The following CLYBL variants were observed in gnomAD, a reference collection of about 807,000 sequenced individuals.
The protein encoded by CLYBL is citramalyl-CoA lyase.
A neutral mutation model predicts 38.9 loss-of-function variants in CLYBL; 31 were observed. That is an observed-to-expected ratio of 0.80 (90% confidence interval 0.60 to 1.08). The LOEUF (loss-of-function observed/expected upper bound fraction) is 1.08. Among genes scored for constraint, CLYBL ranks in the 50% least tolerant of loss-of-function variants. The pLI, the probability that CLYBL is intolerant of heterozygous loss-of-function variation, is 0.00. For synonymous variants in CLYBL, 171 were observed against 158.6 expected (o/e 1.08, Z -0.59); for missense variants, 434 against 411.6 (o/e 1.05, Z -0.47).
chr13:99,638,027 A>T (rs980801811), intron 1 of CLYBL, among the ~76,000 whole-genome samples: 2 of 141,388 alleles, frequency 1.4e-5, no homozygotes, highest in Non-Finnish European at 3.0e-5. Context: ...GCAATGGCAC[A>T]ATCGCGGTTC....
intron 1 of CLYBL, among the ~76,000 whole-genome samples, chr13:99,716,448 A>G (rs2048316842): frequency 6.7e-6 from 1 of 148,240 alleles, no homozygotes; most frequent in Non-Finnish European, 1.5e-5. Context: ...CAATGGCGCA[A>G]TCTCGGCTCA....
chr13:99,850,960 T>C (rs947658093), intron 2 of CLYBL, among the ~76,000 whole-genome samples: 2 of 152,194 alleles, frequency 1.3e-5, no homozygotes, highest in African/African-American at 4.8e-5. Flanking sequence ...AGGAAATATA[T>C]AGAATAGACA....
chr13:99,756,114 TTC>T (rs1032509781), intron 1 of CLYBL, among the ~76,000 whole-genome samples: 1 of 152,178 alleles, frequency 6.6e-6, no homozygotes, highest in African/African-American at 2.4e-5. Flanking sequence ...GTTCACCCCA[TTC>T]TCACCCCTGC....
At chr13:99,909,215 G>T (rs1019943119) in exon 10 of CLYBL, among the ~76,000 whole-genome samples, 1 of 152,172 alleles carries the variant, frequency 6.6e-6, no homozygotes, top group Non-Finnish European at 1.5e-5. Context: ...ATTTAATCAC[G>T]AAGACTCTGT....
intron 6 of CLYBL, among the ~76,000 whole-genome samples, chr13:99,870,687 C>G (rs1020707031): frequency 2.0e-5 from 3 of 152,148 alleles, no homozygotes; most frequent in Non-Finnish European, 4.4e-5. Flanking sequence ...ATTATCTGCC[C>G]TAAGGTGGCA....
intron 1 of CLYBL, among the ~76,000 whole-genome samples, chr13:99,762,953 TG>T (rs1170125995): frequency 2.0e-5 from 3 of 152,226 alleles, no homozygotes; most frequent in Non-Finnish European, 4.4e-5. Context: ...ATTGCTTTCT[TG>T]ATATCTTTTT....
chr13:99,611,826 G>A (rs560932025), intron 1 of CLYBL, among the ~76,000 whole-genome samples: 1 of 152,250 alleles, frequency 6.6e-6, no homozygotes, highest in South Asian at 2.1e-4. Context: ...GTAAGCTTTG[G>A]TAGTTTGTAT....
intron 7 of CLYBL, among the ~76,000 whole-genome samples, chr13:99,874,577 T>C (rs1196755240): frequency 6.6e-6 from 1 of 152,164 alleles, no homozygotes; most frequent in Non-Finnish European, 1.5e-5. Context: ...ACTGTAAAAA[T>C]TGGATACTTG....
intron 1 of CLYBL, among the ~76,000 whole-genome samples, chr13:99,631,370 T>C (rs893058439): frequency 7.9e-5 from 12 of 151,706 alleles, no homozygotes; most frequent in Non-Finnish European, 1.6e-4. Context: ...TGTGTATGTA[T>C]ACACATATAT....
rs765705284 is a variant in CLYBL, at chr13:99,772,915, C to A, written c.154C>A (p.Pro52Thr). ...CCCCCGGAGGGCAGTGCTTTATGTA[C>A]CTGGAAATGATGAAAAGAAAATAAA... ...YIPRRAVLYVPGNDEKKIKKI... is the reference protein window; with the variant it reads ...YIPRRAVLYVTGNDEKKIKKI... The change falls in exon 2 of 9, where the codon CCT becomes ACT. Residue 52 changes from proline to threonine, a missense_variant. Physicochemically the swap from Pro to Thr is conservative, Grantham distance 38. Coordinates refer to ENST00000339105, the MANE Select transcript of CLYBL (RefSeq NM_206808.5). 6.2e-7 allele frequency: 1 copy of A among 1,613,632 alleles called. No individual in the cohort carries two copies. Among genetic ancestry groups the A allele is most frequent in the East Asian group, 2.2e-5 (1 of 44,852 alleles).
chr13:99,654,740 TC>T (rs2047304341), intron 1 of CLYBL, among the ~76,000 whole-genome samples: 1 of 152,186 alleles, frequency 6.6e-6, no homozygotes, highest in Non-Finnish European at 1.5e-5. Flanking sequence ...ATGCCGTGGC[TC>T]ACGCCTGTAA....
At chr13:99,777,619 A>C (rs1681203752) in intron 2 of CLYBL, among the ~76,000 whole-genome samples, 1 of 151,476 alleles carries the variant, frequency 6.6e-6, no homozygotes, top group Admixed American at 6.6e-5. Context: ...CAGCCTCCCG[A>C]GTAGCTGGGA....
chr13:99,706,646 T>C (rs553464991), intron 1 of CLYBL, among the ~76,000 whole-genome samples: 113 of 152,228 alleles, frequency 7.4e-4, no homozygotes, highest in African/African-American at 2.7e-3. Flanking sequence ...AAGTCCAAAT[T>C]GCTCATGATG....
At chr13:99,656,637 T>C (rs895798615) in intron 1 of CLYBL, among the ~76,000 whole-genome samples, 2 of 152,208 alleles carry the variant, frequency 1.3e-5, no homozygotes, top group African/African-American at 4.8e-5. Flanking sequence ...CCTGTTTCTC[T>C]CTCAGTCACT....
downstream of CLYBL, among the ~76,000 whole-genome samples, chr13:99,901,359 T>A (rs2052639897): frequency 6.6e-6 from 1 of 152,194 alleles, no homozygotes; most frequent in Non-Finnish European, 1.5e-5. Flanking sequence ...GGGCAAACTA[T>A]GTTTTTCTAA....
chr13:99,706,217 A>G (rs917281155), intron 1 of CLYBL, among the ~76,000 whole-genome samples: 1 of 152,046 alleles, frequency 6.6e-6, no homozygotes, highest in African/African-American at 2.4e-5. Flanking sequence ...GGCGTGAGCT[A>G]CCGTGCCTGA....
chr13:99,863,160 C>G, intron 4 of CLYBL, 68 bp downstream of exon 4: 1 of 736,492 alleles, frequency 1.4e-6, no homozygotes, highest in Admixed American at 2.7e-5. Flanking sequence ...CTTTTGCTTT[C>G]AATTTTAACA....
At chr13:99,864,765 C>G (rs1300947940) in intron 4 of CLYBL, 53 bp from the exon 5 acceptor site, 5 of 1,239,890 alleles carry the variant, frequency 4.0e-6, no homozygotes, top group East Asian at 2.3e-5. Context: ...CGTGCCTCTT[C>G]CCTCTGACGC....
At chr13:99,767,586 GT>G (rs1337659034) in intron 1 of CLYBL, among the ~76,000 whole-genome samples, 1 of 152,218 alleles carries the variant, frequency 6.6e-6, no homozygotes, top group Admixed American at 6.5e-5. Context: ...CACAGTGTGT[GT>G]GTGTGTCTGC....
Sources: allele counts gnomAD v4.1 joint callset (sites outside exome capture counted in the v4.1 genomes callset), GRCh38; gene constraint gnomAD v4.1.1; transcripts MANE v1.5; gene names NCBI Gene and HGNC (gene_info 2026-07-23, HGNC 2026-07-21).